Variants in COL18A1 observed in about 807,000 individuals in gnomAD.
COL18A1 encodes collagen type XVIII alpha 1 chain, also known as collagen alpha-1(XVIII) chain.
COL18A1 carries 133 observed loss-of-function variants against 168.0 expected under a neutral mutation model. That is an observed-to-expected ratio of 0.79 (90% CI 0.69 to 0.91). The LOEUF (loss-of-function observed/expected upper bound fraction) is 0.91, where lower values mean the gene tolerates loss of function less well. Among genes scored for constraint, COL18A1 ranks in the 40% least tolerant of loss-of-function variants. The probability of loss-of-function intolerance (pLI) is 0.00; values close to 1 mark genes in which losing one functional copy is unlikely to be tolerated. For synonymous variants in COL18A1, 949 were observed against 809.0 expected (o/e 1.17, Z -2.94); for missense variants, 2,126 against 1,925.4 (o/e 1.10, Z -1.95).
rs1268032742 is a variant in COL18A1, at chr21:45,475,327, G to A, written c.739-149G>A. 1.9e-5 allele frequency: 14 copies of A among 728,784 alleles called. No homozygotes were observed. In the Middle Eastern group the frequency reaches 1.1e-3, roughly 58 times the overall value. The allele number at this position is 728,784 out of a possible 1,614,324, so 45.1% of individuals were successfully genotyped here. On this transcript the variant is annotated intron_variant, in intron 4 of 41. Transcript: ENST00000651438. ...GGAAGGCCAGCGTGCCCACCCCAGC[G>A]GCCCCCCGGAGAGCACCAGAGAGGG...
chr21:45,411,778 A>AGGGGGGGGGGGGGGGG (rs1569273645), intron 2 of COL18A1, among the ~76,000 whole-genome samples: 37 of 108,298 alleles, frequency 3.4e-4, no homozygotes, highest in Admixed American at 9.5e-4. Context: ...GGGGGGGGGC[A>AGGGGGGGGGGGGGGGG]GGCTGTGGTC....
intron 2 of COL18A1, among the ~76,000 whole-genome samples, chr21:45,408,910 A>T (rs2033203945): frequency 6.6e-6 from 1 of 152,216 alleles, no homozygotes; most frequent in South Asian, 2.1e-4. Context: ...AACCTCCAGC[A>T]AGTCTCTTCC....
At chr21:45,459,048 G>A (rs891885804) in intron 2 of COL18A1, among the ~76,000 whole-genome samples, 1 of 152,220 alleles carries the variant, frequency 6.6e-6, no homozygotes, top group African/African-American at 2.4e-5. Context: ...TGCGAGGGAG[G>A]CCGTGTCCCG....
In COL18A1 at chr21:45,477,488, G is replaced by C. The variant is rs1450758199; in HGVS notation, c.1005+1G>C. ...GACCCCTGGGGGCCGCGTGAAAGAGGTAAGGCCACCTCCCTGTGCTCCTGA... is the reference window on the plus strand; with the variant it reads ...GACCCCTGGGGGCCGCGTGAAAGAGCTAAGGCCACCTCCCTGTGCTCCTGA... On this transcript the variant is annotated splice_donor_variant, in intron 7 of 41. Transcript: ENST00000651438. LOFTEE classifies it high-confidence loss of function. 6.2e-7 allele frequency: 1 copy of C among 1,607,220 alleles called. No individual in the cohort carries two copies. Among genetic ancestry groups the C allele is most frequent in the East Asian group, 2.2e-5 (1 of 44,552 alleles).
At chr21:45,507,510 C>G in intron 37 of COL18A1, 51 bp from the exon 38 acceptor site, 1 of 1,585,426 alleles carries the variant, frequency 6.3e-7, no homozygotes, top group Non-Finnish European at 8.6e-7. Flanking sequence ...GGAGGGCACC[C>G]TGGCTCAGGC....
In COL18A1 at chr21:45,468,469, A is replaced by G. The variant is rs766350173; in HGVS notation, c.334A>G (p.Thr112Ala). 1.2e-6 allele frequency: 2 copies of G among 1,614,090 alleles called. No individual in the cohort carries two copies. The highest frequency in any genetic ancestry group is 1.7e-6 in the Non-Finnish European group (2 of 1,180,032). The change falls in exon 3 of 42, where the codon ACG becomes GCG. Residue 112 changes from threonine to alanine, a missense_variant. Coordinates refer to ENST00000651438, the MANE Select transcript of COL18A1 (RefSeq NM_001379500.1). ...GGGCCCAGGGGTGCTGTTCGCCATC[A>G]CGGACTCGGCGCAGGCCATGGTCTT... ...TEGPGVLFAI[T>A]DSAQAMVLLG...
rs1568892555 is a variant in COL18A1 at position 45,468,306 on chromosome 21, C to T, written c.171C>T (p.Thr57=). ...LLGDPPPQQV[T]QTDDPDVGLA... Reference sequence around the variant, plus strand: ...GGGACCCCCCGCCCCAGCAGGTCACCCAGACGGATGACCCCGACGTCGGGC... The same window carrying T: ...GGGACCCCCCGCCCCAGCAGGTCACTCAGACGGATGACCCCGACGTCGGGC... Residue 57 remains threonine, a synonymous_variant, in exon 3 of 42, where the codon ACC becomes ACT. Transcript: ENST00000651438. The T allele has an allele frequency of 1.2e-6, 2 of 1,613,362 alleles. No homozygotes were observed. The highest frequency in any genetic ancestry group is 1.1e-5 in the South Asian group (1 of 91,090).
intron 2 of COL18A1, among the ~76,000 whole-genome samples, chr21:45,436,185 C>T (rs981977151): frequency 2.0e-5 from 3 of 152,204 alleles, no homozygotes; most frequent in African/African-American, 4.8e-5. Context: ...TGAATGCCCA[C>T]GTGGGTGACA....
chr21:45,486,053 TC>T (rs2036097923), intron 15 of COL18A1, among the ~76,000 whole-genome samples: 1 of 152,152 alleles, frequency 6.6e-6, no homozygotes, highest in South Asian at 2.1e-4. Context: ...AGGGCCTCCC[TC>T]CCTCACGCCC....
In COL18A1 at chr21:45,481,989, G is replaced by A. The variant is rs771625222; in HGVS notation, c.1638G>A (p.Glu546=). Residue 546 remains glutamate (E), a synonymous_variant, in exon 14 of 42, where the codon GAG becomes GAA. Transcript: ENST00000651438. ...GACCCCCAGGCCCTCCGGGAAGAGA[G>A]GGGCCCCCAGGAAGGACTGGGCAGA... ...LPGPPGPPGR[E]GPPGRTGQKG... 3.1e-6 allele frequency: 5 copies of A among 1,613,668 alleles called. No homozygotes were observed. The highest frequency in any genetic ancestry group is 4.2e-6 in the Non-Finnish European group (5 of 1,179,648).
At chr21:45,488,021 T>G (rs1444588328) in intron 17 of COL18A1, among the ~76,000 whole-genome samples, 1 of 152,036 alleles carries the variant, frequency 6.6e-6, no homozygotes, top group Non-Finnish European at 1.5e-5. Flanking sequence ...GGCCACAAGC[T>G]CCTTCCTCCC....
At chr21:45,444,805 C>A (rs755634422) in intron 2 of COL18A1, among the ~76,000 whole-genome samples, 1 of 152,052 alleles carries the variant, frequency 6.6e-6, no homozygotes, top group African/African-American at 2.4e-5. Flanking sequence ...GTTGATATAG[C>A]CCCTCTAAAA....
Position 45,496,529 on chromosome 21 carries a change from GC to G in COL18A1, c.2543del (p.Pro848GlnfsTer61). Reference sequence around the variant, plus strand: ...TGCCCGGCCCCCCAGGACCTCCAGGGCCCCCAGGCCCTCCAGGGACTCCTGT... The same window carrying G: ...TGCCCGGCCCCCCAGGACCTCCAGGGCCCCAGGCCCTCCAGGGACTCCTGT... ...GMPGPPGPPG[P>X]PGPPGTPVYD... On this transcript the variant is annotated frameshift_variant, in exon 30 of 42. Coordinates refer to ENST00000651438, the MANE Select transcript of COL18A1 (RefSeq NM_001379500.1). LOFTEE classifies it high-confidence loss of function. The G allele has an allele frequency of 9.8e-6, 15 of 1,530,764 alleles. No individual in the cohort carries two copies. The highest frequency in any genetic ancestry group is 1.4e-5 in the Non-Finnish European group (15 of 1,104,960). 94.8% of individuals were successfully genotyped at this position (1,530,764 alleles called of 1,614,324 possible).
chr21:45,497,490 G>A (rs2036582243), intron 31 of COL18A1, 109 bp from the exon 32 acceptor site: 3 of 1,403,968 alleles, frequency 2.1e-6, no homozygotes, highest in South Asian at 2.5e-5. Flanking sequence ...TCCATCTGAT[G>A]CCCCCCCATC....
Position 45,471,467 on chromosome 21 carries a change from G to A in COL18A1, c.652-2428G>A, listed in dbSNP as rs974653525. Reference sequence around the variant, plus strand: ...GCTTTGGGAGCAGGGAGGAAACCGAGGCTTCCTCCTCCTCAGCCTCTCCAC... The same window carrying A: ...GCTTTGGGAGCAGGGAGGAAACCGAAGCTTCCTCCTCCTCAGCCTCTCCAC... On this transcript the variant is annotated intron_variant, in intron 3 of 41. Coordinates refer to ENST00000651438, the MANE Select transcript of COL18A1 (RefSeq NM_001379500.1). This position sits in a 1 kb window ranked among gnomAD's most constrained non-coding sequence, Gnocchi z 4.4. 8.5e-5 allele frequency among the ~76,000 whole-genome samples: 13 copies of A among 152,218 alleles called. No individual in the cohort carries two copies. Among genetic ancestry groups the A allele is most frequent in the African/African-American group, 3.1e-4 (13 of 41,448 alleles).
At chr21:45,484,238 ACAC>A (rs1349947352) in intron 15 of COL18A1, among the ~76,000 whole-genome samples, 3 of 150,128 alleles carry the variant, frequency 2.0e-5, no homozygotes, top group Non-Finnish European at 4.4e-5. Context: ...ATGTGCACAC[ACAC>A]CTCTCCAGCA....
intron 2 of COL18A1, among the ~76,000 whole-genome samples, chr21:45,437,907 GAC>G (rs201412767): frequency 4.7e-4 from 8 of 17,112 alleles, no homozygotes; most frequent in Non-Finnish European, 5.5e-4. Context: ...CACTCACTCA[GAC>G]ACAGGCACTC....
At chr21:45,407,349 A>G (rs558907137) in intron 2 of COL18A1, 1 of 152,348 alleles carries the variant, frequency 6.6e-6, no homozygotes, top group African/African-American at 2.4e-5. Context: ...GCATCTTTCC[A>G]TGTCTCTGTG....
rs974599799 is a variant in COL18A1, at chr21:45,471,610, G to A, written c.652-2285G>A. Reference sequence around the variant, plus strand: ...TTCCTCGTCCTAAGAGTCCTTGGGCGTTGTTGGTCTTTTCAGGTTCACTTT... The same window carrying A: ...TTCCTCGTCCTAAGAGTCCTTGGGCATTGTTGGTCTTTTCAGGTTCACTTT... On this transcript the variant is annotated intron_variant, in intron 3 of 41. Coordinates refer to ENST00000651438, the MANE Select transcript of COL18A1 (RefSeq NM_001379500.1). This position sits in a 1 kb window ranked among gnomAD's most constrained non-coding sequence, Gnocchi z 4.4. 6.6e-6 allele frequency among the ~76,000 whole-genome samples: 1 copy of A among 152,148 alleles called. No homozygotes were observed. Among genetic ancestry groups the A allele is most frequent in the African/African-American group, 2.4e-5 (1 of 41,410 alleles).
Sources: allele counts gnomAD v4.1 joint callset (sites outside exome capture counted in the v4.1 genomes callset), GRCh38; gene constraint gnomAD v4.1.1; non-coding constraint Gnocchi (gnomAD v3.1); transcripts MANE v1.5; gene names NCBI Gene and HGNC (gene_info 2026-07-23, HGNC 2026-07-21).